The following MIA2 variants were observed in gnomAD, a reference collection of about 807,000 sequenced individuals.
MIA2 encodes the protein MIA SH3 domain ER export factor 2.
A neutral mutation model predicts 167.8 loss-of-function variants in MIA2; 127 were observed. The observed-to-expected ratio is 0.76, with a 90% confidence interval of 0.66 to 0.88. The LOEUF (loss-of-function observed/expected upper bound fraction) is 0.88, where lower values mean the gene tolerates loss of function less well. Among genes scored for constraint, MIA2 ranks in the 40% least tolerant of loss-of-function variants. MIA2 has a pLI of 0.00. For synonymous variants in MIA2, 552 were observed against 541.9 expected, an observed-to-expected ratio of 1.02 and a Z score of -0.26; for missense variants, 1,690 against 1,624.7, an observed-to-expected ratio of 1.04 and a Z score of -0.69.
At chr14:39,256,881 A>AAGAAAACTTATCTGAGCTTTAACGG (rs2054838514) in intron 6 of MIA2, among the ~76,000 whole-genome samples, 1 of 152,226 alleles carries the variant, frequency 6.6e-6, no homozygotes, top group Non-Finnish European at 1.5e-5. Context: ...AAATTTTAGA[A>AAGAAAACTTATCTGAGCTTTAACGG]AGAAAACTTA....
At chr14:39,253,227 G>T (rs1162253928) in intron 6 of MIA2, 56 bp downstream of exon 6, 8 of 1,591,680 alleles carry the variant, frequency 5.0e-6, no homozygotes, top group South Asian at 1.1e-5. Context: ...CTAAATATAA[G>T]AGTGGCTACA....
downstream of MIA2, among the ~76,000 whole-genome samples, chr14:39,354,792 T>C (rs1473410709): frequency 1.3e-5 from 2 of 152,204 alleles, no homozygotes; most frequent in Non-Finnish European, 2.9e-5. Context: ...TAGCCAGTTT[T>C]CCCAGCACCA....
rs1043915773 is a variant in MIA2, at chr14:39,388,407, G to C, written c.*1455G>C. On this transcript the variant is annotated 3_prime_UTR_variant, in exon 24 of 24. Transcript: ENST00000341502. The surrounding 1 kb of genome is among the most constrained non-coding windows in gnomAD (Gnocchi z 4.1). ...AAGTCTAAATTTTATGTCCTTACCT[G>C]ATTTCCCTCTGAAAAATGTTTTCCA... 6.6e-6 allele frequency: 1 copy of C among 151,984 alleles called. No individual in the cohort carries two copies. The highest frequency in any genetic ancestry group is 1.5e-5 in the Non-Finnish European group (1 of 68,034). The allele number at this position is 151,984 out of a possible 1,614,324, so 9.4% of individuals were successfully genotyped here. A position where few individuals can be genotyped will look rare whatever the true frequency, so the allele number is the denominator to read the frequency against.
chr14:39,255,674 C>G (rs564040139), intron 6 of MIA2, among the ~76,000 whole-genome samples: 15 of 152,266 alleles, frequency 9.9e-5, no homozygotes, highest in African/African-American at 3.6e-4. Flanking sequence ...TCTTAATCCC[C>G]TCCTCCACAA....
At chr14:39,299,331 C>T (rs1264714158) in intron 13 of MIA2, among the ~76,000 whole-genome samples, 116 of 24,186 alleles carry the variant, frequency 4.8e-3, no homozygotes, top group African/African-American at 0.011. Context: ...TTTTTTGAGA[C>T]GGAGTCTCGC....
intron 6 of MIA2, chr14:39,267,184 G>T: frequency 8.2e-7 from 1 of 1,224,780 alleles, no homozygotes; most frequent in Non-Finnish European, 1.0e-6. Context: ...GGGTGGCGAG[G>T]ACAGGGTACG....
chr14:39,346,163 GT>G, intron 26 of MIA2, 137 bp downstream of exon 26: 1 of 722,392 alleles, frequency 1.4e-6, no homozygotes, highest in Non-Finnish European at 2.4e-6. Context: ...AAATGTCCTG[GT>G]TTTATGTTTC....
At chr14:39,301,412 C>G (rs1050327853) in intron 14 of MIA2, among the ~76,000 whole-genome samples, 11 of 152,198 alleles carry the variant, frequency 7.2e-5, no homozygotes, top group African/African-American at 2.6e-4. Context: ...CTACTAAAGG[C>G]TTTGGGATTC....
At position 39,247,036 on chromosome 14, in the gene MIA2, A is replaced by AT. The variant is rs1372739595; in HGVS notation, c.463dup (p.Tyr155LeufsTer2). 6.2e-7 allele frequency: 1 copy of AT among 1,602,234 alleles called. No homozygotes were observed. The highest frequency in any genetic ancestry group is 8.5e-7 in the Non-Finnish European group (1 of 1,176,564). On this transcript the variant is annotated frameshift_variant, in exon 4 of 29. Transcript: ENST00000640607. LOFTEE classifies it high-confidence loss of function. ...AAGATAAAGATGAAAAATCTAGTAT[A>AT]TATGAAAGTGATTTTCAGATAGAAC...
rs767110179 is a variant in MIA2 at position 39,345,952 on chromosome 14, T to G, written c.3704T>G (p.Phe1235Cys). ...CTTCCTCCACAAAGGCAAGACAGAT[T>G]TTGTTCTAATTCTGGTAGACTGTCT... ...SALPPQRQDR[F>C]CSNSGRLSGP... is the part of the protein sequence containing the mutation. Residue 1235 changes from phenylalanine to cysteine, a missense_variant, in exon 26 of 29, where the codon TTT (phenylalanine) becomes TGT (cysteine). By Grantham distance (205) the Phe-to-Cys change is radical. Coordinates refer to ENST00000640607, the MANE Select transcript of MIA2 (RefSeq NM_001329214.4). 19 of 1,612,152 alleles carry G rather than the reference T, an allele frequency of 1.2e-5. No individual in the cohort carries two copies. Among genetic ancestry groups the G allele is most frequent in the Admixed American group, 5.0e-5 (3 of 59,980 alleles).
Position 39,279,448 on chromosome 14 carries a change from G to C in MIA2, c.2042-1G>C. The C allele has an allele frequency of 6.2e-7, 1 of 1,604,114 alleles. No individual in the cohort carries two copies. The highest frequency in any genetic ancestry group is 8.5e-7 in the Non-Finnish European group (1 of 1,177,636). On this transcript the variant is annotated splice_acceptor_variant, in intron 8 of 28. Coordinates refer to ENST00000640607, the MANE Select transcript of MIA2 (RefSeq NM_001329214.4). LOFTEE classifies it high-confidence loss of function. ...TGGTAATATTGACTTGACTTTTTTAGGACGAGAGAAAAAGCTTGCTCTAAT... is the reference window on the plus strand; with the variant it reads ...TGGTAATATTGACTTGACTTTTTTACGACGAGAGAAAAAGCTTGCTCTAAT...
intron 23 of MIA2, among the ~76,000 whole-genome samples, chr14:39,379,867 C>A (rs566402768): frequency 3.6e-4 from 54 of 152,044 alleles, no homozygotes; most frequent in African/African-American, 9.9e-4. Context: ...ACCCAAAAAC[C>A]TTAAATTACC....
intron 23 of MIA2, among the ~76,000 whole-genome samples, chr14:39,381,936 C>T (rs35115885): frequency 0.32 from 48,058 of 152,024 alleles, 8,127 homozygotes; most frequent in East Asian, 0.51. Context: ...TTAAGACTAG[C>T]TGGTTGTTAA....
chr14:39,236,967 A>G lies in MIA2; in HGVS notation c.161A>G (p.Asp54Gly). The change falls in exon 2 of 29, where the codon GAC (aspartate) becomes GGC (glycine). Residue 54 changes from aspartate to glycine, a missense_variant. Asp to Gly is a moderately conservative substitution (Grantham distance 94). Transcript: ENST00000640607. ...VSAMRDYRGP[D>G]CRYLNFTKGE... Reference sequence around the variant, plus strand: ...GCCATGAGAGATTATAGAGGACCTGACTGCCGATACCTGAACTTCACTAAG... The same window carrying G: ...GCCATGAGAGATTATAGAGGACCTGGCTGCCGATACCTGAACTTCACTAAG... 6.2e-7 allele frequency: 1 copy of G among 1,614,070 alleles called. No individual in the cohort carries two copies. Among genetic ancestry groups the G allele is most frequent in the South Asian group, 1.1e-5 (1 of 91,072 alleles).
At chr14:39,356,021 T>G (rs528286150), downstream of MIA2, among the ~76,000 whole-genome samples, 46 of 152,318 alleles carry the variant, frequency 3.0e-4, no homozygotes, top group Non-Finnish European at 3.5e-4. Context: ...TCTCTTTTTT[T>G]GTTGTGTCTC....
intron 23 of MIA2, chr14:39,385,305 A>G: frequency 2.9e-6 from 2 of 690,964 alleles, no homozygotes; most frequent in East Asian, 2.5e-5. Context: ...AAAAATCCAC[A>G]CAACTTCCAA....
At chr14:39,359,047 C>T (rs1310363582) in intron 23 of MIA2, among the ~76,000 whole-genome samples, 1 of 152,198 alleles carries the variant, frequency 6.6e-6, no homozygotes, top group Non-Finnish European at 1.5e-5. Context: ...TCTCAAGCTG[C>T]ATGCTGGGAG....
chr14:39,346,148 C>G (rs1420928004), intron 26 of MIA2, 122 bp downstream of exon 26: 3 of 755,302 alleles, frequency 4.0e-6, no homozygotes, highest in Non-Finnish European at 6.7e-6. Flanking sequence ...AAATCTCTTT[C>G]CTGAAAATGT....
intron 13 of MIA2, among the ~76,000 whole-genome samples, chr14:39,299,521 G>A (rs1175241661): frequency 6.6e-6 from 1 of 151,626 alleles, no homozygotes; most frequent in Non-Finnish European, 1.5e-5. Context: ...TGGCCAGGAT[G>A]GTGGTATTTC....
Sources: gnomAD v4.1 joint callset for allele counts (sites outside exome capture counted in the v4.1 genomes callset) on GRCh38, gnomAD v4.1.1 for gene constraint, Gnocchi (gnomAD v3.1) non-coding constraint, MANE v1.5 for transcripts, NCBI Gene and HGNC (gene_info 2026-07-23, HGNC 2026-07-21) for gene names.